Variants in NFKB1 observed in about 807,000 individuals in gnomAD.
The protein encoded by NFKB1 is nuclear factor NF-kappa-B p105 subunit.
A neutral mutation model predicts 105.1 loss-of-function variants in NFKB1; 9 were observed. The ratio of observed to expected loss-of-function variants is 0.09; its 90% CI spans 0.05 to 0.15. The LOEUF (loss-of-function observed/expected upper bound fraction) is 0.15. NFKB1 is among the 10% of genes least tolerant of loss of function. NFKB1 has a pLI of 1.00. For missense variants in NFKB1, 830 were observed against 1,203.7 expected, an observed-to-expected ratio of 0.69 and a Z score of 4.59; for synonymous variants, 440 against 442.2, an observed-to-expected ratio of 1.00 and a Z score of 0.06.
chr4:102,591,643 C>T lies in NFKB1; in HGVS notation c.1067-1782C>T, dbSNP rs7687966. Among the ~76,000 whole-genome samples, 979 of 152,110 alleles carry T rather than the reference C, an allele frequency of 6.4e-3. 7 individuals carry two copies. Among genetic ancestry groups the T allele is most frequent in the African/African-American group, 0.021 (887 of 41,484 alleles). On this transcript the variant is annotated intron_variant, in intron 11 of 23. Transcript: ENST00000226574. Reference sequence around the variant, plus strand: ...AATATTTTTAAACCCACTGTTGAGACCTACTGCTCTGAGAAAAAAGAAAAA... The same window carrying T: ...AATATTTTTAAACCCACTGTTGAGATCTACTGCTCTGAGAAAAAAGAAAAA...
chr4:102,596,714 A>G (rs1726647853), intron 14 of NFKB1, among the ~76,000 whole-genome samples: 1 of 152,098 alleles, frequency 6.6e-6, no homozygotes, highest in African/African-American at 2.4e-5. Flanking sequence ...ACTTTGCCTT[A>G]AAATAGGAAC....
chr4:102,509,722 C>T (rs548558669), intron 1 of NFKB1, among the ~76,000 whole-genome samples: 6 of 152,278 alleles, frequency 3.9e-5, no homozygotes, highest in African/African-American at 1.4e-4. Flanking sequence ...AATCTAGAAG[C>T]CCTTCTTATA....
At chr4:102,513,011 ACTT>A (rs1434553161) in intron 1 of NFKB1, among the ~76,000 whole-genome samples, 3 of 152,244 alleles carry the variant, frequency 2.0e-5, no homozygotes, top group South Asian at 2.1e-4. Flanking sequence ...CATGAGGTCT[ACTT>A]CTTCCTCAGT....
chr4:102,589,357 TG>T (rs1299544820), intron 11 of NFKB1, among the ~76,000 whole-genome samples: 29 of 152,134 alleles, frequency 1.9e-4, no homozygotes, highest in Non-Finnish European at 4.0e-4. Flanking sequence ...ATAGAACCGA[TG>T]GGGAAATTAT....
At position 102,527,304 on chromosome 4, in the gene NFKB1, C is replaced by T. The variant is rs76730915; in HGVS notation, c.39+1747C>T. On this transcript the variant is annotated intron_variant, in intron 2 of 23. Transcript: ENST00000226574. Reference sequence around the variant, plus strand: ...CTACCTTGGAGGAAGAGCAGAGTTACGGAGGACTTTCCGAAGGAAGTCTTC... The same window carrying T: ...CTACCTTGGAGGAAGAGCAGAGTTATGGAGGACTTTCCGAAGGAAGTCTTC... Among the ~76,000 whole-genome samples the T allele has an allele frequency of 9.4e-4, 143 of 152,216 alleles. 2 individuals carry two copies. Among genetic ancestry groups the T allele is most frequent in the African/African-American group, 2.9e-3 (122 of 41,542 alleles).
intron 5 of NFKB1, among the ~76,000 whole-genome samples, chr4:102,561,492 C>G (rs148098919): frequency 3.5e-4 from 53 of 152,260 alleles, no homozygotes; most frequent in African/African-American, 1.3e-3. Context: ...TAACTGTCAT[C>G]TATCAACACT....
At chr4:102,572,589 C>G (rs1221713149) in intron 6 of NFKB1, among the ~76,000 whole-genome samples, 1 of 152,116 alleles carries the variant, frequency 6.6e-6, no homozygotes, top group Non-Finnish European at 1.5e-5. Context: ...ATAAGTGTAC[C>G]CTCTTCTCCA....
intron 1 of NFKB1, among the ~76,000 whole-genome samples, chr4:102,503,129 A>G (rs919597226): frequency 2.6e-5 from 4 of 152,188 alleles, no homozygotes; most frequent in African/African-American, 9.7e-5. Context: ...ATTTAAATGT[A>G]TGTATTTAAA....
intron 11 of NFKB1, among the ~76,000 whole-genome samples, chr4:102,588,943 C>T (rs935750693): frequency 6.6e-6 from 1 of 152,104 alleles, no homozygotes; most frequent in Non-Finnish European, 1.5e-5. Context: ...CATAGTACAT[C>T]CCATGGTGCC....
At chr4:102,556,932 A>C (rs1366554810) in intron 5 of NFKB1, among the ~76,000 whole-genome samples, 1 of 152,186 alleles carries the variant, frequency 6.6e-6, no homozygotes, top group East Asian at 1.9e-4. Context: ...AGCAGTGCTC[A>C]TCTGTAGACA....
chr4:102,513,644 TAC>T (rs1405206330), intron 1 of NFKB1, among the ~76,000 whole-genome samples: 1 of 152,196 alleles, frequency 6.6e-6, no homozygotes, highest in Non-Finnish European at 1.5e-5. Context: ...TTATGTATTC[TAC>T]AGTCTATTGA....
intron 12 of NFKB1, among the ~76,000 whole-genome samples, chr4:102,594,649 A>G (rs890039990): frequency 1.6e-4 from 25 of 152,136 alleles, no homozygotes; most frequent in Non-Finnish European, 1.5e-5. Context: ...TTTCTCCATT[A>G]CAACCCCTCC....
chr4:102,514,103 A>T (rs1739965069), intron 1 of NFKB1, among the ~76,000 whole-genome samples: 1 of 151,948 alleles, frequency 6.6e-6, no homozygotes, highest in Non-Finnish European at 1.5e-5. Flanking sequence ...TGAACCCAGG[A>T]GGCAGAGCTT....
At position 102,593,410 on chromosome 4, in the gene NFKB1, T is replaced by G; in HGVS notation, c.1067-15T>G. Reference sequence around the variant, plus strand: ...TCAATCTTTTCTCCTCTGGTTTCTCTTCCTTTAAATACAGATAAAGAAGAA... The same window carrying G: ...TCAATCTTTTCTCCTCTGGTTTCTCGTCCTTTAAATACAGATAAAGAAGAA... On this transcript the variant is annotated splice_polypyrimidine_tract_variant and intron_variant, in intron 11 of 23. Transcript: ENST00000226574. 1.2e-6 allele frequency: 2 copies of G among 1,602,650 alleles called. No homozygotes were observed. Among genetic ancestry groups the G allele is most frequent in the Non-Finnish European group, 1.7e-6 (2 of 1,173,574 alleles).
intron 6 of NFKB1, among the ~76,000 whole-genome samples, chr4:102,567,361 G>T (rs2149168668): frequency 6.6e-6 from 1 of 152,244 alleles, no homozygotes; most frequent in East Asian, 1.9e-4. Flanking sequence ...ATTGTTTATA[G>T]CACCCTCTTC....
chr4:102,566,408 T>C (rs1005447104), intron 5 of NFKB1, among the ~76,000 whole-genome samples: 1 of 152,232 alleles, frequency 6.6e-6, no homozygotes, highest in Non-Finnish European at 1.5e-5. Context: ...AGAGGGCTAC[T>C]GAAGGCTCAG....
intron 5 of NFKB1, among the ~76,000 whole-genome samples, chr4:102,557,826 G>A (rs998469588): frequency 6.6e-6 from 1 of 152,044 alleles, no homozygotes; most frequent in Non-Finnish European, 1.5e-5. Flanking sequence ...TTCGAGAGTT[G>A]CCCTCCCTTC....
chr4:102,583,082 G>A (rs959490379), intron 10 of NFKB1, 125 bp downstream of exon 10: 2 of 576,082 alleles, frequency 3.5e-6, no homozygotes, highest in African/African-American at 3.7e-5. Context: ...TGGGCTTGAG[G>A]GATCCTCCTG....
At position 102,613,585 on chromosome 4, in the gene NFKB1, A is replaced by G; in HGVS notation, c.2749+4A>G. ...GCCTCCACAAGGCAGCAAATAGGTA[A>G]AAAAAAAGACAAAAGACAGTGGAGA... On this transcript the variant is annotated splice_donor_region_variant and intron_variant, in intron 23 of 23. Coordinates refer to ENST00000226574, the MANE Select transcript of NFKB1 (RefSeq NM_003998.4). 6.2e-7 allele frequency: 1 copy of G among 1,611,150 alleles called. No individual in the cohort carries two copies. The highest frequency in any genetic ancestry group is 1.1e-5 in the South Asian group (1 of 90,722).
Sources: gnomAD v4.1 joint callset for allele counts (sites outside exome capture counted in the v4.1 genomes callset) on GRCh38, gnomAD v4.1.1 for gene constraint, MANE v1.5 for transcripts, NCBI Gene and HGNC (gene_info 2026-07-23, HGNC 2026-07-21) for gene names.